The following C2CD3 variants were observed in gnomAD, a reference collection of about 807,000 sequenced individuals.
The protein encoded by C2CD3 is C2 domain containing 3 centriole elongation regulator, also known as C2 domain-containing protein 3.
C2CD3 carries 148 observed loss-of-function variants against 234.0 expected under a neutral mutation model. That is an observed-to-expected ratio of 0.63 (90% CI 0.55 to 0.72). The LOEUF is 0.72. Ranked by LOEUF, C2CD3 falls within the 30% of genes least tolerant of loss-of-function variation. The pLI, the probability that C2CD3 is intolerant of heterozygous loss-of-function variation, is 0.00. For synonymous variants in C2CD3, 1,000 were observed against 1,035.4 expected, an observed-to-expected ratio of 0.97 and a Z score of 0.66; for missense variants, 2,577 against 2,811.5, an observed-to-expected ratio of 0.92 and a Z score of 1.89.
At chr11:74,121,166 T>C (rs60647229) in intron 8 of C2CD3, among the ~76,000 whole-genome samples, 42,808 of 151,980 alleles carry the variant, frequency 0.28, 6,210 homozygotes, top group Admixed American at 0.35. Context: ...TGTGGTCTAG[T>C]AGAAAAACAT....
chr11:74,048,020 C>T (rs1310536330), intron 28 of C2CD3, among the ~76,000 whole-genome samples, 185 bp downstream of exon 28: 1 of 152,216 alleles, frequency 6.6e-6, no homozygotes, highest in Non-Finnish European at 1.5e-5. Flanking sequence ...CAAATTCTAG[C>T]TCCTATCTTA....
chr11:74,133,566 G>C lies in C2CD3; in HGVS notation c.956-9C>G, dbSNP rs372417717. On this transcript the variant is annotated splice_polypyrimidine_tract_variant and intron_variant, in intron 5 of 32. Transcript: ENST00000334126. ...GCCTTGTTCTAACAGAGCTGAAGAG[G>C]GTAAATGCAGAAAACAGAAAAATCC... 228 of 1,613,032 alleles carry C rather than the reference G, an allele frequency of 1.4e-4. 1 individual carries two copies. The highest frequency in any genetic ancestry group is 1.9e-4 in the Non-Finnish European group (224 of 1,179,654).
intron 29 of C2CD3, among the ~76,000 whole-genome samples, chr11:74,038,856 T>A (rs1056068901): frequency 1.3e-5 from 2 of 152,258 alleles, no homozygotes; most frequent in Non-Finnish European, 2.9e-5. Flanking sequence ...CGTCTCAGAA[T>A]AGAAGATATA....
At chr11:74,027,327 T>C (rs1277690475) in intron 32 of C2CD3, among the ~76,000 whole-genome samples, 1 of 152,188 alleles carries the variant, frequency 6.6e-6, no homozygotes. Flanking sequence ...AGGCTGGTCT[T>C]GAACTTCCTA....
chr11:74,134,537 C>G (rs546678278), intron 5 of C2CD3, among the ~76,000 whole-genome samples: 56 of 152,182 alleles, frequency 3.7e-4, no homozygotes, highest in African/African-American at 1.3e-3. Flanking sequence ...TAAATAAAAA[C>G]AAATAAAATA....
intron 7 of C2CD3, among the ~76,000 whole-genome samples, chr11:74,127,772 T>C (rs915986143): frequency 4.6e-5 from 7 of 152,230 alleles, no homozygotes; most frequent in Non-Finnish European, 7.3e-5. Flanking sequence ...CATTAATGCA[T>C]AGACTATTTG....
chr11:74,092,032 A>ATGTG (rs1272596588), intron 19 of C2CD3, among the ~76,000 whole-genome samples: 57 of 150,900 alleles, frequency 3.8e-4, no homozygotes, highest in African/African-American at 1.4e-3. Context: ...ATATATATAT[A>ATGTG]TGTGTGTGTG....
At chr11:74,138,081 G>T (rs911925392) in intron 5 of C2CD3, among the ~76,000 whole-genome samples, 1 of 152,158 alleles carries the variant, frequency 6.6e-6, no homozygotes, top group Non-Finnish European at 1.5e-5. Context: ...TTCCTGTTAT[G>T]ATCTTGAGGT....
intron 31 of C2CD3, among the ~76,000 whole-genome samples, chr11:74,030,278 T>C (rs769898989): frequency 9.9e-5 from 15 of 152,230 alleles, no homozygotes; most frequent in African/African-American, 1.4e-4. Context: ...AATGAATTTA[T>C]ATATGTAAAG....
At chr11:74,154,885 T>G (rs1855909886) in intron 3 of C2CD3, among the ~76,000 whole-genome samples, 1 of 152,178 alleles carries the variant, frequency 6.6e-6, no homozygotes, top group Non-Finnish European at 1.5e-5. Flanking sequence ...AAATCTCAAT[T>G]AGATATCAGT....
chr11:74,037,815 T>C (rs1452034778), intron 29 of C2CD3, 117 bp from the exon 30 acceptor site: 10 of 735,958 alleles, frequency 1.4e-5, no homozygotes, highest in Non-Finnish European at 2.3e-5. Context: ...TCACTTGGTC[T>C]ATTAATATAC....
In C2CD3 at chr11:74,035,806, C is replaced by T. The variant is rs190457722; in HGVS notation, c.5882-1528G>A. Among the ~76,000 whole-genome samples, 299 of 151,896 alleles carry T rather than the reference C, an allele frequency of 2.0e-3. 1 individual carries two copies. Among genetic ancestry groups the T allele is most frequent in the Non-Finnish European group, 3.8e-3 (259 of 67,958 alleles). ...CAGTTCTCATTCAGTTGTCTGCTTGCTGAGAACTTTCCATTTCTTCCAGGA... is the reference window on the plus strand; with the variant it reads ...CAGTTCTCATTCAGTTGTCTGCTTGTTGAGAACTTTCCATTTCTTCCAGGA... On this transcript the variant is annotated intron_variant, in intron 30 of 32. Transcript: ENST00000334126.
Position 74,054,596 on chromosome 11 carries a change from A to G in C2CD3, c.5155+11T>C. 1.3e-6 allele frequency: 2 copies of G among 1,555,322 alleles called. No homozygotes were observed. The highest frequency in any genetic ancestry group is 1.8e-6 in the Non-Finnish European group (2 of 1,131,604). On this transcript the variant is annotated intron_variant, in intron 26 of 32. Coordinates refer to ENST00000334126, the MANE Select transcript of C2CD3 (RefSeq NM_001286577.2). ...ACAAGCAAGCAGATATTCTTTTAAC[A>G]GAGTTCATACCTCCTTTATGCCAAA... is the stretch of plus-strand genomic sequence containing the variant.
rs953860316 is a variant in C2CD3 at position 74,170,902 on chromosome 11, T to A, written c.-110A>T. ...TGCGTTCCCCGGCAACCGGCGCCGC[T>A]GGGCAGCCTGGGAGGCAGGAAAAAG... On this transcript the variant is annotated 5_prime_UTR_variant, in exon 1 of 33. Transcript: ENST00000334126. The A allele has an allele frequency of 1.4e-6, 2 of 1,469,616 alleles. No homozygotes were observed. The highest frequency in any genetic ancestry group is 1.8e-6 in the Non-Finnish European group (2 of 1,097,508). The allele number at this position is 1,469,616 out of a possible 1,614,324, so 91.0% of individuals were successfully genotyped here. A position where few individuals can be genotyped will look rare whatever the true frequency, so the allele number is the denominator to read the frequency against.
intron 24 of C2CD3, among the ~76,000 whole-genome samples, chr11:74,069,312 A>G (rs974739245): frequency 6.6e-6 from 1 of 152,180 alleles, no homozygotes; most frequent in African/African-American, 2.4e-5. Flanking sequence ...GCCTGTTTAC[A>G]TTCTGAAAAA....
intron 11 of C2CD3, chr11:74,113,138 T>A (rs1956800757): frequency 6.6e-6 from 1 of 152,666 alleles, no homozygotes; most frequent in African/African-American, 2.4e-5. Context: ...GAAGTACTGA[T>A]ATATACTATA....
At chr11:74,016,541 A>G (rs1951885624) in intron 32 of C2CD3, 2 of 152,396 alleles carry the variant, frequency 1.3e-5, no homozygotes, top group African/African-American at 2.4e-5. Context: ...AAGGACAAGG[A>G]CAGGGCTTGG....
At chr11:74,114,622 C>T (rs372195224) in intron 9 of C2CD3, 29 bp from the exon 10 acceptor site, 4 of 1,359,530 alleles carry the variant, frequency 2.9e-6, no homozygotes, top group African/African-American at 1.4e-5. Context: ...AGCAGTGAGG[C>T]ATACTGCTAC....
intron 4 of C2CD3, among the ~76,000 whole-genome samples, chr11:74,139,241 A>C (rs1472428500): frequency 6.6e-6 from 1 of 152,234 alleles, no homozygotes; most frequent in Non-Finnish European, 1.5e-5. Context: ...ATGCTTCATA[A>C]ATAATTACTT....
Sources: gnomAD v4.1 joint callset for allele counts (sites outside exome capture counted in the v4.1 genomes callset) on GRCh38, gnomAD v4.1.1 for gene constraint, MANE v1.5 for transcripts, NCBI Gene and HGNC (gene_info 2026-07-23, HGNC 2026-07-21) for gene names.